Variants in NPAS3 observed in about 807,000 individuals in gnomAD.
NPAS3 encodes neuronal PAS domain-containing protein 3.
NPAS3 carries 14 observed loss-of-function variants against 73.1 expected under a neutral mutation model. The observed-to-expected ratio is 0.19, with a 90% confidence interval of 0.13 to 0.30. The LOEUF (loss-of-function observed/expected upper bound fraction) is 0.30. Among genes scored for constraint, NPAS3 ranks in the 10% least tolerant of loss-of-function variants. NPAS3 has a pLI of 1.00. For missense variants in NPAS3, 1,096 were observed against 1,250.0 expected (o/e 0.88, Z 1.86); for synonymous variants, 620 against 541.5 (o/e 1.14, Z -2.01).
At chr14:33,182,715 C>T (rs1391589752) in intron 2 of NPAS3, among the ~76,000 whole-genome samples, 1 of 152,066 alleles carries the variant, frequency 6.6e-6, no homozygotes, top group Non-Finnish European at 1.5e-5. Flanking sequence ...TGGTTCTGCC[C>T]AGCCGGTCCT....
intron 2 of NPAS3, among the ~76,000 whole-genome samples, chr14:33,107,333 C>A (rs1392958143): frequency 2.0e-5 from 3 of 152,094 alleles, no homozygotes; most frequent in Admixed American, 1.3e-4. Context: ...GTTTGGAGTA[C>A]AAATGAATTC....
intron 3 of NPAS3, among the ~76,000 whole-genome samples, chr14:33,290,404 C>A (rs1385867637): frequency 1.3e-5 from 2 of 152,164 alleles, no homozygotes; most frequent in Non-Finnish European, 1.5e-5. Context: ...TATATAGAAT[C>A]TTCGAGAAAG....
chr14:33,784,751 T>TTATTTTA (rs1555333518), intron 9 of NPAS3, among the ~76,000 whole-genome samples: 2 of 114,876 alleles, frequency 1.7e-5, no homozygotes, highest in African/African-American at 7.7e-5. Flanking sequence ...ATTTATTTTT[T>TTATTTTA]TTTTTTTTTT....
rs142106023 is a variant in NPAS3 at position 33,716,513 on chromosome 14, A to T, written c.734-18701A>T. Among the ~76,000 whole-genome samples, 369 of 152,300 alleles carry T rather than the reference A, an allele frequency of 2.4e-3. 2 individuals carry two copies. In the East Asian group the frequency reaches 0.028, roughly 12 times the overall value. On this transcript the variant is annotated intron_variant, in intron 6 of 11. Transcript: ENST00000356141. Reference sequence around the variant, plus strand: ...TTATCATTTTGCCATTTTTAAACATACATTTCAGTGGCATTAAGTACATTC... The same window carrying T: ...TTATCATTTTGCCATTTTTAAACATTCATTTCAGTGGCATTAAGTACATTC...
chr14:33,544,792 A>ATT (rs2054714419), intron 4 of NPAS3, among the ~76,000 whole-genome samples: 1 of 67,332 alleles, frequency 1.5e-5, no homozygotes, highest in Non-Finnish European at 2.6e-5. Context: ...TGTGTATTAT[A>ATT]TATATATATA....
intron 5 of NPAS3, among the ~76,000 whole-genome samples, chr14:33,608,810 G>C (rs371084251): frequency 6.6e-6 from 1 of 152,296 alleles, no homozygotes; most frequent in African/African-American, 2.4e-5. Context: ...GAAGCCTATT[G>C]AAAGGATGAT....
intron 5 of NPAS3, among the ~76,000 whole-genome samples, chr14:33,629,769 C>T (rs2058328615): frequency 6.6e-6 from 1 of 151,796 alleles, no homozygotes; most frequent in South Asian, 2.1e-4. Context: ...CATTTTCATA[C>T]CTTTTTTATT....
At chr14:33,661,858 T>C (rs2059317899) in intron 5 of NPAS3, among the ~76,000 whole-genome samples, 1 of 152,218 alleles carries the variant, frequency 6.6e-6, no homozygotes, top group Non-Finnish European at 1.5e-5. Flanking sequence ...AATTTTACTT[T>C]TGATAAGTTT....
chr14:33,216,888 C>T lies in NPAS3; in HGVS notation c.385+1462C>T, dbSNP rs539501055. Reference sequence around the variant, plus strand: ...CAGGAAAAATAAAGCAAGGCACATTCGAGTTGTCCTTTTACATCCCTTCTG... The same window carrying T: ...CAGGAAAAATAAAGCAAGGCACATTTGAGTTGTCCTTTTACATCCCTTCTG... On this transcript the variant is annotated intron_variant, in intron 3 of 11. Coordinates refer to ENST00000356141, the Ensembl canonical transcript of NPAS3. 7.9e-5 allele frequency among the ~76,000 whole-genome samples: 12 copies of T among 152,276 alleles called. 1 individual carries two copies. The highest frequency in any genetic ancestry group is 2.6e-4 in the Admixed American group (4 of 15,290).
intron 4 of NPAS3, among the ~76,000 whole-genome samples, chr14:33,398,564 G>A (rs1028880851): frequency 1.3e-5 from 2 of 152,006 alleles, no homozygotes; most frequent in African/African-American, 4.8e-5. Context: ...TAGATAACAA[G>A]GATGTTTATT....
At chr14:33,259,243 G>A (rs1482730875) in intron 3 of NPAS3, among the ~76,000 whole-genome samples, 2 of 152,098 alleles carry the variant, frequency 1.3e-5, no homozygotes, top group Non-Finnish European at 2.9e-5. Context: ...TCCTAGTTCT[G>A]TCTCATCGAA....
At chr14:33,675,572 A>T (rs1396733678) in intron 5 of NPAS3, among the ~76,000 whole-genome samples, 40 of 152,250 alleles carry the variant, frequency 2.6e-4, no homozygotes, top group Admixed American at 2.6e-3. Flanking sequence ...GCAGAAAAAA[A>T]ATATGGCTGC....
At chr14:33,564,833 T>A (rs1276993769) in intron 5 of NPAS3, among the ~76,000 whole-genome samples, 1 of 152,128 alleles carries the variant, frequency 6.6e-6, no homozygotes, top group African/African-American at 2.4e-5. Flanking sequence ...ACAACAAAAA[T>A]GAGATCTAGA....
chr14:33,226,268 T>G (rs2047628641), intron 3 of NPAS3, among the ~76,000 whole-genome samples: 1 of 152,232 alleles, frequency 6.6e-6, no homozygotes, highest in South Asian at 2.1e-4. Context: ...GACTATTGTT[T>G]GGTCATTTTG....
At chr14:33,675,931 C>T (rs970951796) in intron 5 of NPAS3, among the ~76,000 whole-genome samples, 6 of 151,716 alleles carry the variant, frequency 4.0e-5, no homozygotes, top group African/African-American at 1.5e-4. Flanking sequence ...AAGGCAGACT[C>T]GTCCACATTT....
chr14:33,105,821 T>G (rs917044560), intron 2 of NPAS3, among the ~76,000 whole-genome samples: 1 of 152,162 alleles, frequency 6.6e-6, no homozygotes, highest in Non-Finnish European at 1.5e-5. Flanking sequence ...AAAAAATGTC[T>G]GGTAATGGCA....
chr14:33,475,565 A>G (rs76972852), intron 4 of NPAS3, among the ~76,000 whole-genome samples: 19 of 151,770 alleles, frequency 1.3e-4, no homozygotes, highest in Non-Finnish European at 2.9e-5. Context: ...AAAAAAAAAA[A>G]AGCCTAATTT....
chr14:33,295,967 T>C (rs1290823589), intron 3 of NPAS3, among the ~76,000 whole-genome samples: 5 of 152,350 alleles, frequency 3.3e-5, no homozygotes, highest in African/African-American at 1.2e-4. Flanking sequence ...TGATCATGTA[T>C]GCTGCAGTGC....
chr14:33,683,802 T>C (rs1004064180), intron 6 of NPAS3, among the ~76,000 whole-genome samples: 17 of 152,232 alleles, frequency 1.1e-4, no homozygotes, highest in Admixed American at 9.2e-4. Flanking sequence ...TGTCAGCTCT[T>C]TGCCAACAGT....
Sources: gnomAD v4.1 joint callset for allele counts (sites outside exome capture counted in the v4.1 genomes callset) on GRCh38, gnomAD v4.1.1 for gene constraint, MANE v1.5 for transcripts, NCBI Gene and HGNC (gene_info 2026-07-23, HGNC 2026-07-21) for gene names.